The following UPK1A variants were observed in gnomAD, a reference collection of about 807,000 sequenced individuals.
UPK1A encodes the protein uroplakin-1a.
UPK1A carries 31 observed loss-of-function variants against 32.3 expected under a neutral mutation model. The ratio of observed to expected loss-of-function variants is 0.96; its 90% CI spans 0.72 to 1.30. The LOEUF is 1.30. UPK1A is among the 50% of genes most tolerant of loss of function. The pLI is 0.00. For synonymous variants in UPK1A, 135 were observed against 137.1 expected (o/e 0.98, Z 0.11); for missense variants, 340 against 357.4 (o/e 0.95, Z 0.39).
chr19:35,674,401 C>T (rs1453415065), intron 5 of UPK1A, among the ~76,000 whole-genome samples: 2 of 151,902 alleles, frequency 1.3e-5, no homozygotes, highest in Admixed American at 6.6e-5. Context: ...CGCCTGCCAC[C>T]GCGCCCAGCT....
Position 35,668,654 on chromosome 19 carries a change from G to A in UPK1A, c.285G>A (p.Thr95=), listed in dbSNP as rs985433105. 1.6e-5 allele frequency: 26 copies of A among 1,611,360 alleles called. No homozygotes were observed. In the Admixed American group the frequency reaches 2.0e-4, roughly 12 times the overall value. Residue 95 remains threonine (T), a splice_region_variant and synonymous_variant, in exon 3 of 8, where the codon ACG becomes ACA. Coordinates refer to ENST00000617999, the Ensembl canonical transcript of UPK1A. ...GCCGCCGCCGGTCCATGGTCCTCACGGTGAGACTCCAGGGGTTGGGGGATG... is the reference window on the plus strand; with the variant it reads ...GCCGCCGCCGGTCCATGGTCCTCACAGTGAGACTCCAGGGGTTGGGGGATG...
chr19:35,676,268 G>A, intron 6 of UPK1A: 1 of 635,522 alleles, frequency 1.6e-6, no homozygotes, highest in Non-Finnish European at 2.8e-6. Context: ...TCAGCTCACT[G>A]CAGCGTCTGC....
At chr19:35,669,404 C>A (rs1568346875) in intron 3 of UPK1A, among the ~76,000 whole-genome samples, 1 of 151,726 alleles carries the variant, frequency 6.6e-6, no homozygotes, top group African/African-American at 2.4e-5. Context: ...GTGGCTCATG[C>A]CTGTAATCCC....
chr19:35,666,967 G>C (rs932115960), intron 2 of UPK1A, 71 bp downstream of exon 2: 4 of 1,491,018 alleles, frequency 2.7e-6, no homozygotes, highest in South Asian at 1.1e-5. Flanking sequence ...AGCTCGGGGT[G>C]GGGGATGAGG....
rs1375436292 is a variant in UPK1A, at chr19:35,667,304, GTTTTT to G, written c.84+410_84+414del. Among the ~76,000 whole-genome samples the G allele has an allele frequency of 6.0e-3, 813 of 136,302 alleles. 8 individuals carry two copies. Among genetic ancestry groups the G allele is most frequent in the African/African-American group, 0.022 (770 of 34,312 alleles). 89.4% of individuals were successfully genotyped at this position (136,302 alleles called of 152,430 possible). ...AATTAACATTGGGTTTTGGTTTTGT[GTTTTT>G]TGTTTTGTTTTGTTTTGTTTTGTTT... On this transcript the variant is annotated intron_variant, in intron 2 of 7. Transcript: ENST00000617999.
exon 3 of UPK1A, chr19:35,668,529 G>A (rs750852899): frequency 5.0e-6 from 8 of 1,614,208 alleles, no homozygotes; most frequent in Non-Finnish European, 4.2e-6. Flanking sequence ...ACTGATGGGA[G>A]TCTCAGGCAA....
At chr19:35,676,959 C>T (rs1968190853) in intron 6 of UPK1A, among the ~76,000 whole-genome samples, 2 of 151,846 alleles carry the variant, frequency 1.3e-5, no homozygotes, top group South Asian at 4.2e-4. Flanking sequence ...CGGGGGCTCA[C>T]GACTGTAATC....
Position 35,673,224 on chromosome 19 carries a change from C to T in UPK1A, c.286-8C>T. 1.2e-6 allele frequency: 2 copies of T among 1,614,004 alleles called. No homozygotes were observed. The highest frequency in any genetic ancestry group is 1.7e-6 in the Non-Finnish European group (2 of 1,180,010). ...GCCCGACGGGCCGTCCTCCCTCTGT[C>T]TCCCCAGTACCTGGTGCTCATGCTC... On this transcript the variant is annotated splice_region_variant and splice_polypyrimidine_tract_variant and intron_variant, in intron 3 of 7. Coordinates refer to ENST00000617999, the Ensembl canonical transcript of UPK1A.
chr19:35,666,944 G>A (rs575367949), intron 2 of UPK1A, 48 bp downstream of exon 2: 2 of 1,601,364 alleles, frequency 1.2e-6, no homozygotes, highest in East Asian at 2.2e-5. Context: ...GTGGTGGGGA[G>A]GGGACAGTCC....
At chr19:35,674,110 C>T (rs191230042) in intron 5 of UPK1A, among the ~76,000 whole-genome samples, 1 of 151,834 alleles carries the variant, frequency 6.6e-6, no homozygotes, top group Non-Finnish European at 1.5e-5. Context: ...TGCTCTATTG[C>T]CCAGGCTGGT....
rs759082745 is a variant in UPK1A, at chr19:35,677,770, C to T, written c.649-42C>T. On this transcript the variant is annotated intron_variant, in intron 6 of 7. Transcript: ENST00000617999. The stretch of plus-strand genomic sequence containing the variant: ...GTGACTCTCGCTTTCAGCGGCTACC[C>T]TCATGGGCGTCTTCTCAAACTTCCC... The T allele has an allele frequency of 2.7e-5, 44 of 1,610,024 alleles. No homozygotes were observed. The African/African-American group carries it at 4.3e-4, about 16-fold the overall frequency.
At chr19:35,673,161 G>C in intron 3 of UPK1A, 71 bp from the exon 4 acceptor site, 1 of 1,527,996 alleles carries the variant, frequency 6.5e-7, no homozygotes, top group Non-Finnish European at 9.1e-7. Flanking sequence ...CATTTCCCCA[G>C]TGATGCTTCC....
chr19:35,675,431 A>G (rs966740255), intron 5 of UPK1A, among the ~76,000 whole-genome samples: 1 of 151,758 alleles, frequency 6.6e-6, no homozygotes, highest in Non-Finnish European at 1.5e-5. Context: ...ACAGGCGCCC[A>G]CCACCACACC....
exon 8 of UPK1A, chr19:35,678,064 ATCC>A: frequency 6.6e-7 from 1 of 1,524,330 alleles, no homozygotes; most frequent in South Asian, 1.3e-5. Context: ...ACTCCTCCGC[ATCC>A]TCCTCCTGCT....
chr19:35,673,369 G>A (rs761968428), intron 4 of UPK1A, 63 bp downstream of exon 4: 2 of 1,611,200 alleles, frequency 1.2e-6, no homozygotes, highest in Non-Finnish European at 1.7e-6. Flanking sequence ...GTCCCGGCGC[G>A]GCGGGGCGGA....
intron 2 of UPK1A, 70 bp downstream of exon 2, chr19:35,666,966 TG>T: frequency 6.8e-7 from 1 of 1,477,680 alleles, no homozygotes; most frequent in Non-Finnish European, 9.4e-7. Flanking sequence ...GAGCTCGGGG[TG>T]GGGGATGAGG....
chr19:35,674,059 G>A (rs1254576540), intron 5 of UPK1A, among the ~76,000 whole-genome samples: 2 of 150,026 alleles, frequency 1.3e-5, no homozygotes, highest in East Asian at 2.0e-4. Flanking sequence ...CACCACACCC[G>A]GCTAAGTTTT....
At chr19:35,677,330 A>G (rs563316902) in intron 6 of UPK1A, among the ~76,000 whole-genome samples, 4 of 151,824 alleles carry the variant, frequency 2.6e-5, no homozygotes, top group Non-Finnish European at 5.9e-5. Context: ...GTTCGAGACC[A>G]GCCTGACCAA....
intron 3 of UPK1A, 155 bp downstream of exon 3, chr19:35,668,809 C>A: frequency 1.2e-6 from 1 of 859,870 alleles, no homozygotes; most frequent in Non-Finnish European, 1.7e-6. Flanking sequence ...TTCCCACAGC[C>A]CAATAACCCA....
Sources: allele counts gnomAD v4.1 joint callset (sites outside exome capture counted in the v4.1 genomes callset), GRCh38; gene constraint gnomAD v4.1.1; transcripts MANE v1.5; gene names NCBI Gene and HGNC (gene_info 2026-07-23, HGNC 2026-07-21).